Variants in DZIP3 observed in about 807,000 individuals in gnomAD.
The protein encoded by DZIP3 is DAZ interacting zinc finger protein 3.
DZIP3 carries 118 observed loss-of-function variants against 162.0 expected under a neutral mutation model. The ratio of observed to expected loss-of-function variants is 0.73; its 90% CI spans 0.63 to 0.85. The LOEUF (loss-of-function observed/expected upper bound fraction) is 0.85. Among genes scored for constraint, DZIP3 ranks in the 40% least tolerant of loss-of-function variants. DZIP3 has a pLI of 0.00. For missense variants in DZIP3, 1,331 were observed against 1,407.0 expected (o/e 0.95, Z 0.86); for synonymous variants, 438 against 458.6 (o/e 0.96, Z 0.57).
At chr3:108,605,272 T>G in intron 1 of DZIP3, 63 bp from the exon 2 acceptor site, 1 of 1,194,392 alleles carries the variant, frequency 8.4e-7, no homozygotes, top group Non-Finnish European at 1.2e-6. Flanking sequence ...CACGTTCTGT[T>G]TTCATAGTGG....
intron 12 of DZIP3, among the ~76,000 whole-genome samples, chr3:108,641,641 T>C (rs1170538109): frequency 1.3e-5 from 2 of 152,224 alleles, no homozygotes; most frequent in African/African-American, 4.8e-5. Context: ...GTTTTACAAA[T>C]GTACACTCCC....
Position 108,657,718 on chromosome 3 carries a change from C to T in DZIP3, c.2199+3408C>T, listed in dbSNP as rs771264641. Among the ~76,000 whole-genome samples, 26 of 152,124 alleles carry T rather than the reference C, an allele frequency of 1.7e-4. 1 individual carries two copies. The highest frequency in any genetic ancestry group is 3.7e-4 in the Non-Finnish European group (25 of 68,028). On this transcript the variant is annotated intron_variant, in intron 19 of 32. Coordinates refer to ENST00000361582, the MANE Select transcript of DZIP3 (RefSeq NM_014648.4). The stretch of plus-strand genomic sequence containing the variant: ...GCAAATTGGATAAAGAGTCAAGATC[C>T]ATCAGTGTGCTGTATTCAGGAAACC...
intron 17 of DZIP3, among the ~76,000 whole-genome samples, chr3:108,649,260 A>C (rs1576414840): frequency 6.6e-6 from 1 of 151,918 alleles, no homozygotes; most frequent in East Asian, 1.9e-4. Context: ...TTATTTTTAA[A>C]ATGCGTACTC....
chr3:108,607,946 A>G lies in DZIP3; in HGVS notation c.33-143A>G, dbSNP rs575445469. On this transcript the variant is annotated intron_variant, in intron 2 of 32. Transcript: ENST00000361582. ...CTTTAACATGAGTCTCTAAAGAGAT[A>G]TGGCACCTACCACCATTACCAGTCT... 783 of 694,478 alleles carry G rather than the reference A, an allele frequency of 1.1e-3. 25 individuals are homozygous for G. In the South Asian group the frequency reaches 0.012, roughly 11 times the overall value. The allele number at this position is 694,478 out of a possible 1,614,324, so 43.0% of individuals were successfully genotyped here.
intron 4 of DZIP3, 107 bp from the exon 5 acceptor site, chr3:108,616,434 C>G (rs1053318646): frequency 1.5e-5 from 11 of 721,620 alleles, no homozygotes; most frequent in African/African-American, 5.6e-5. Context: ...GTCTTTATCT[C>G]TATTTTTAAA....
At chr3:108,599,046 A>G (rs1473972217) in intron 1 of DZIP3, among the ~76,000 whole-genome samples, 1 of 152,270 alleles carries the variant, frequency 6.6e-6, no homozygotes, top group African/African-American at 2.4e-5. Flanking sequence ...AACAGAATTT[A>G]AAACCTGCTT....
At chr3:108,621,531 G>A (rs1941342952) in intron 5 of DZIP3, among the ~76,000 whole-genome samples, 3 of 152,150 alleles carry the variant, frequency 2.0e-5, no homozygotes. Flanking sequence ...AGTAGGGTTG[G>A]TATTTTTGTA....
intron 1 of DZIP3, among the ~76,000 whole-genome samples, chr3:108,595,131 T>A (rs972717895): frequency 6.6e-6 from 1 of 152,222 alleles, no homozygotes; most frequent in African/African-American, 2.4e-5. Flanking sequence ...ACACATGGTA[T>A]TTTTTAGGGT....
intron 1 of DZIP3, 67 bp from the exon 2 acceptor site, chr3:108,605,268 C>T (rs951257059): frequency 1.7e-6 from 2 of 1,147,936 alleles, no homozygotes; most frequent in Non-Finnish European, 2.5e-6. Flanking sequence ...TGATCACGTT[C>T]TGTTTTCATA....
intron 1 of DZIP3, among the ~76,000 whole-genome samples, chr3:108,590,869 G>A (rs1035148625): frequency 2.6e-5 from 4 of 152,078 alleles, no homozygotes; most frequent in Non-Finnish European, 5.9e-5. Flanking sequence ...GTAGTTCATT[G>A]AGAATCTACA....
At chr3:108,689,058 C>T (rs1233512679) in intron 31 of DZIP3, 134 bp downstream of exon 31, 3 of 822,158 alleles carry the variant, frequency 3.6e-6, no homozygotes, top group Non-Finnish European at 5.9e-6. Context: ...TTGGGTACCA[C>T]ACAGAAACAT....
Position 108,694,308 on chromosome 3 carries a change from T to C in DZIP3, c.*955T>C, listed in dbSNP as rs1455323838. 1.3e-5 allele frequency: 2 copies of C among 152,180 alleles called. No homozygotes were observed. The highest frequency in any genetic ancestry group is 4.8e-5 in the African/African-American group (2 of 41,432). 9.4% of individuals were successfully genotyped at this position (152,180 alleles called of 1,614,324 possible). A position where few individuals can be genotyped will look rare whatever the true frequency, so the allele number is the denominator to read the frequency against. On this transcript the variant is annotated 3_prime_UTR_variant, in exon 33 of 33. Coordinates refer to ENST00000361582, the MANE Select transcript of DZIP3 (RefSeq NM_014648.4). ...ATCTAGACATGTAAAATGCCAAGAATGTCTTAGAATTGCACAATTTAGAAT... is the reference window on the plus strand; with the variant it reads ...ATCTAGACATGTAAAATGCCAAGAACGTCTTAGAATTGCACAATTTAGAAT...
At chr3:108,676,239 G>A (rs1482420803) in intron 25 of DZIP3, among the ~76,000 whole-genome samples, 4 of 152,044 alleles carry the variant, frequency 2.6e-5, no homozygotes, top group African/African-American at 7.2e-5. Context: ...ACTTGAGCCA[G>A]GTGCTCACGG....
intron 29 of DZIP3, 33 bp from the exon 30 acceptor site, chr3:108,688,560 C>A: frequency 6.2e-7 from 1 of 1,600,030 alleles, no homozygotes; most frequent in Non-Finnish European, 8.5e-7. Flanking sequence ...TAGGATAATT[C>A]TGAAAAAATA....
At chr3:108,598,416 T>C (rs1939818976) in intron 1 of DZIP3, among the ~76,000 whole-genome samples, 1 of 152,206 alleles carries the variant, frequency 6.6e-6, no homozygotes, top group Non-Finnish European at 1.5e-5. Flanking sequence ...ACATAGGAGC[T>C]GATGAAAATT....
At chr3:108,606,410 A>AG (rs1389430144) in intron 2 of DZIP3, among the ~76,000 whole-genome samples, 3 of 152,208 alleles carry the variant, frequency 2.0e-5, no homozygotes, top group Non-Finnish European at 2.9e-5. Flanking sequence ...CTTGGTGCTT[A>AG]GGGAATAAAG....
rs749941493 is a variant in DZIP3, at chr3:108,654,432, G to C, written c.2199+122G>C. The C allele has an allele frequency of 5.8e-4, 639 of 1,110,554 alleles. 6 individuals are homozygous for C. The highest frequency in any genetic ancestry group is 2.7e-4 in the Admixed American group (15 of 56,168). The allele number at this position is 1,110,554 out of a possible 1,614,324, so 68.8% of individuals were successfully genotyped here. A position where few individuals can be genotyped will look rare whatever the true frequency, so the allele number is the denominator to read the frequency against. On this transcript the variant is annotated intron_variant, in intron 19 of 32. Transcript: ENST00000361582. ...TTTATACTGTTTGTGAGGAGAAAGA[G>C]AAAAGCATAAAAGGTAAGGAGGGAT...
intron 1 of DZIP3, among the ~76,000 whole-genome samples, chr3:108,596,147 C>T (rs1404429017): frequency 1.3e-5 from 2 of 152,186 alleles, no homozygotes; most frequent in African/African-American, 4.8e-5. Flanking sequence ...CAAATCACCT[C>T]AAAACACAGT....
chr3:108,675,944 A>C, intron 25 of DZIP3, 71 bp downstream of exon 25: 1 of 1,322,054 alleles, frequency 7.6e-7, no homozygotes, highest in Non-Finnish European at 1.0e-6. Flanking sequence ...AAGACATATT[A>C]GTAGAAAAAT....
Sources: gnomAD v4.1 joint callset for allele counts (sites outside exome capture counted in the v4.1 genomes callset) on GRCh38, gnomAD v4.1.1 for gene constraint, MANE v1.5 for transcripts, NCBI Gene and HGNC (gene_info 2026-07-23, HGNC 2026-07-21) for gene names.